Variants in GPC6 observed in about 807,000 individuals in gnomAD.
The protein encoded by GPC6 is glypican-6.
GPC6 carries 14 observed loss-of-function variants against 55.2 expected under a neutral mutation model. The observed-to-expected ratio is 0.25, with a 90% confidence interval of 0.17 to 0.40. The LOEUF (loss-of-function observed/expected upper bound fraction) is 0.40. GPC6 is among the 10% of genes least tolerant of loss of function. GPC6 has a pLI of 1.00. For synonymous variants in GPC6, 278 were observed against 259.6 expected (o/e 1.07, Z -0.68); for missense variants, 641 against 708.5 (o/e 0.90, Z 1.08).
At chr13:93,844,126 A>G (rs918366378) in intron 3 of GPC6, among the ~76,000 whole-genome samples, 1 of 152,052 alleles carries the variant, frequency 6.6e-6, no homozygotes, top group African/African-American at 2.4e-5. Context: ...TATATTGGCC[A>G]TCATTTGGTG....
At chr13:94,402,377 C>G (rs1881177531) in intron 8 of GPC6, among the ~76,000 whole-genome samples, 1 of 152,154 alleles carries the variant, frequency 6.6e-6, no homozygotes, top group African/African-American at 2.4e-5. Flanking sequence ...GTGTGGCCTC[C>G]CCTTGAGTCT....
At chr13:93,315,493 C>A (rs1358811209) in intron 1 of GPC6, among the ~76,000 whole-genome samples, 4 of 151,588 alleles carry the variant, frequency 2.6e-5, no homozygotes. Flanking sequence ...TAATTACTAC[C>A]AATGAATAGA....
chr13:93,921,816 A>C (rs548114786), intron 3 of GPC6, among the ~76,000 whole-genome samples: 3 of 151,934 alleles, frequency 2.0e-5, no homozygotes, highest in Admixed American at 2.0e-4. Flanking sequence ...TGGGGTGCGA[A>C]AACAGGAATG....
intron 1 of GPC6, among the ~76,000 whole-genome samples, chr13:93,259,019 A>G (rs1457399341): frequency 6.6e-6 from 1 of 152,156 alleles, no homozygotes; most frequent in Non-Finnish European, 1.5e-5. Flanking sequence ...AAATAATGGT[A>G]TGTATCTGGT....
chr13:94,223,755 G>A lies in GPC6; in HGVS notation c.878-62594G>A, dbSNP rs116286023. Among the ~76,000 whole-genome samples, 896 of 152,206 alleles carry A rather than the reference G, an allele frequency of 5.9e-3. 6 individuals are homozygous for A. Among genetic ancestry groups the A allele is most frequent in the African/African-American group, 0.021 (864 of 41,526 alleles). On this transcript the variant is annotated intron_variant, in intron 4 of 8. Coordinates refer to ENST00000377047, the MANE Select transcript of GPC6 (RefSeq NM_005708.5). Reference sequence around the variant, plus strand: ...GGTAGCTTCAACAAACTAAAAAGTAGCACAGCAAGGATGCAATCCCCAGTA... The same window carrying A: ...GGTAGCTTCAACAAACTAAAAAGTAACACAGCAAGGATGCAATCCCCAGTA...
intron 2 of GPC6, among the ~76,000 whole-genome samples, chr13:93,768,478 TCCTAAAACTAAC>T (rs1885191521): frequency 6.6e-6 from 1 of 152,102 alleles, no homozygotes. Context: ...GTATTCCAGG[TCCTAAAACTAAC>T]CCTGACACAT....
chr13:93,268,196 G>C (rs1019702876), intron 1 of GPC6, among the ~76,000 whole-genome samples: 1 of 152,150 alleles, frequency 6.6e-6, no homozygotes, highest in Admixed American at 6.5e-5. Flanking sequence ...AGATTTATCT[G>C]TTGTTGAACA....
At chr13:93,435,341 C>T (rs1877531240) in intron 1 of GPC6, among the ~76,000 whole-genome samples, 1 of 152,014 alleles carries the variant, frequency 6.6e-6, no homozygotes, top group Non-Finnish European at 1.5e-5. Flanking sequence ...GTCTCAAACT[C>T]CTGGCTTCAA....
intron 2 of GPC6, among the ~76,000 whole-genome samples, chr13:93,823,985 A>C (rs1887143795): frequency 6.6e-6 from 1 of 152,218 alleles, no homozygotes; most frequent in African/African-American, 2.4e-5. Context: ...TTAAAGCAAT[A>C]TTGTCTTTTA....
intron 1 of GPC6, among the ~76,000 whole-genome samples, chr13:93,376,344 G>A (rs1185492008): frequency 6.6e-6 from 1 of 152,098 alleles, no homozygotes; most frequent in African/African-American, 2.4e-5. Context: ...ATAAAAGTGA[G>A]TGAACACAGT....
chr13:93,576,158 T>G (rs1346999277), intron 2 of GPC6, among the ~76,000 whole-genome samples: 1 of 152,084 alleles, frequency 6.6e-6, no homozygotes, highest in Non-Finnish European at 1.5e-5. Context: ...TGTGTAGATT[T>G]GTTGCTATAG....
intron 3 of GPC6, among the ~76,000 whole-genome samples, chr13:94,020,455 A>G (rs1257459158): frequency 6.6e-6 from 1 of 152,150 alleles, no homozygotes; most frequent in Non-Finnish European, 1.5e-5. Context: ...TGGTTGCTGT[A>G]TGTTTTTATT....
Position 93,654,837 on chromosome 13 carries a change from A to ATT in GPC6, c.319+109432_319+109433dup, listed in dbSNP as rs1255934947. Reference sequence around the variant, plus strand: ...AATCCAAAGACATCAACATAACCAGATTTTTTTTTTTTTTTTTGAGATGGA... The same window carrying ATT: ...AATCCAAAGACATCAACATAACCAGATTTTTTTTTTTTTTTTTTTGAGATGGA... On this transcript the variant is annotated intron_variant, in intron 2 of 8. Transcript: ENST00000377047. Among the ~76,000 whole-genome samples the ATT allele has an allele frequency of 7.2e-3, 979 of 135,514 alleles. 20 individuals are homozygous for ATT. The highest frequency in any genetic ancestry group is 0.025 in the African/African-American group (927 of 36,930). The allele number at this position is 135,514 out of a possible 152,430, so 88.9% of individuals were successfully genotyped here. A position where few individuals can be genotyped will look rare whatever the true frequency, so the allele number is the denominator to read the frequency against.
chr13:94,030,208 A>G (rs1159156410), intron 4 of GPC6, among the ~76,000 whole-genome samples: 1 of 151,740 alleles, frequency 6.6e-6, no homozygotes, highest in Non-Finnish European at 1.5e-5. Context: ...ACGGGTTTTC[A>G]CCGTGTTAGC....
chr13:94,063,930 T>G (rs1884426448), intron 4 of GPC6, among the ~76,000 whole-genome samples: 1 of 152,224 alleles, frequency 6.6e-6, no homozygotes, highest in African/African-American at 2.4e-5. Context: ...AGCATTTTCT[T>G]AAGGGTTAGA....
At chr13:94,372,505 C>A (rs1394251535) in intron 6 of GPC6, among the ~76,000 whole-genome samples, 5 of 151,860 alleles carry the variant, frequency 3.3e-5, no homozygotes, top group Admixed American at 2.0e-4. Context: ...ACTTTTCCGA[C>A]GGGCTTAAAA....
At chr13:93,222,320 T>C (rs1320988032), upstream of GPC6, among the ~76,000 whole-genome samples, 1 of 152,204 alleles carries the variant, frequency 6.6e-6, no homozygotes, top group African/African-American at 2.4e-5. Flanking sequence ...AGTAAGATCA[T>C]ATTGGATTTC....
intron 6 of GPC6, among the ~76,000 whole-genome samples, chr13:94,311,108 C>G (rs1417092986): frequency 6.6e-6 from 1 of 152,104 alleles, no homozygotes; most frequent in Admixed American, 6.5e-5. Flanking sequence ...AAGATTACCC[C>G]CAATATGGGG....
chr13:93,313,887 T>A (rs759699627), intron 1 of GPC6, among the ~76,000 whole-genome samples: 1 of 152,172 alleles, frequency 6.6e-6, no homozygotes, highest in Non-Finnish European at 1.5e-5. Flanking sequence ...ATGTATACAG[T>A]TCTCCAACTG....
Sources: gnomAD v4.1 joint callset for allele counts (sites outside exome capture counted in the v4.1 genomes callset) on GRCh38, gnomAD v4.1.1 for gene constraint, MANE v1.5 for transcripts, NCBI Gene and HGNC (gene_info 2026-07-23, HGNC 2026-07-21) for gene names.